The following ATG5 variants were observed in gnomAD, a reference collection of about 807,000 sequenced individuals.
ATG5 encodes the protein autophagy protein 5.
Under a neutral mutation model 36.5 loss-of-function variants are expected in ATG5, and 14 were observed. That is an observed-to-expected ratio of 0.38 (90% confidence interval 0.25 to 0.60). ATG5 has a LOEUF of 0.60. ATG5 is among the 20% of genes least tolerant of loss of function. ATG5 has a pLI of 0.60. For synonymous variants in ATG5, 95 were observed against 101.5 expected (o/e 0.94, Z 0.38); for missense variants, 195 against 326.7 (o/e 0.60, Z 3.11).
intron 7 of ATG5, among the ~76,000 whole-genome samples, chr6:106,194,964 A>G (rs1387440576): frequency 6.6e-6 from 1 of 152,200 alleles, no homozygotes; most frequent in Non-Finnish European, 1.5e-5. Flanking sequence ...TAGATCTCTG[A>G]GTCATTTTAA....
chr6:106,240,854 T>C (rs1472050120), intron 6 of ATG5, among the ~76,000 whole-genome samples: 2 of 152,054 alleles, frequency 1.3e-5, no homozygotes, highest in Non-Finnish European at 2.9e-5. Flanking sequence ...ATGCAGCCAT[T>C]AAAAAAGAAT....
chr6:106,194,216 G>T (rs1311067118), intron 7 of ATG5, among the ~76,000 whole-genome samples: 6 of 152,130 alleles, frequency 3.9e-5, no homozygotes, highest in Non-Finnish European at 8.8e-5. Flanking sequence ...TGAGGTTTGG[G>T]AATTGGAGTT....
At chr6:106,228,917 A>G (rs549884741) in intron 6 of ATG5, among the ~76,000 whole-genome samples, 1 of 152,334 alleles carries the variant, frequency 6.6e-6, no homozygotes, top group Admixed American at 6.5e-5. Flanking sequence ...TTCCTGGGGA[A>G]GCCAAGGGCT....
Position 106,207,848 on chromosome 6 carries a change from C to A in ATG5, c.574-5759G>T, listed in dbSNP as rs150331377. 5.5e-4 allele frequency among the ~76,000 whole-genome samples: 83 copies of A among 152,230 alleles called. No individual in the cohort carries two copies. The East Asian group carries it at 0.011, about 21-fold the overall frequency. On this transcript the variant is annotated intron_variant, in intron 6 of 7. Coordinates refer to ENST00000369076, the MANE Select transcript of ATG5 (RefSeq NM_004849.4). ...GTGGCTCATGCCTGTAATTCCAGCA[C>A]TTTGGGAGGCCGAGGAGGGAGGATC...
intron 6 of ATG5, among the ~76,000 whole-genome samples, chr6:106,231,105 G>T (rs191930995): frequency 6.6e-6 from 1 of 151,930 alleles, no homozygotes; most frequent in African/African-American, 2.4e-5. Flanking sequence ...AATATTCCCC[G>T]ATTATGCCCC....
intron 1 of ATG5, among the ~76,000 whole-genome samples, chr6:106,323,014 G>A (rs1771150845): frequency 1.3e-5 from 2 of 152,032 alleles, no homozygotes; most frequent in Admixed American, 1.3e-4. Context: ...CTGCCTCCCG[G>A]GTTCATGCCA....
intron 6 of ATG5, among the ~76,000 whole-genome samples, chr6:106,203,033 T>C (rs1332148617): frequency 1.3e-5 from 2 of 152,110 alleles, no homozygotes; most frequent in East Asian, 1.9e-4. Flanking sequence ...AGAGAATGTG[T>C]GTGTGTGTGA....
intron 7 of ATG5, among the ~76,000 whole-genome samples, chr6:106,187,778 C>T (rs1461267895): frequency 6.6e-6 from 1 of 152,102 alleles, no homozygotes; most frequent in Non-Finnish European, 1.5e-5. Context: ...TTGGCTGGCA[C>T]CTGAAACAAG....
chr6:106,318,665 G>A (rs1389732502), intron 1 of ATG5, among the ~76,000 whole-genome samples: 2 of 152,120 alleles, frequency 1.3e-5, no homozygotes, highest in African/African-American at 2.4e-5. Context: ...GGCAGCTAAA[G>A]GTATAATGTA....
chr6:106,249,836 T>A (rs1437687712), intron 5 of ATG5, among the ~76,000 whole-genome samples: 1 of 152,260 alleles, frequency 6.6e-6, no homozygotes, highest in Non-Finnish European at 1.5e-5. Context: ...ATTGTGGTTT[T>A]GATTTGCATT....
chr6:106,217,636 C>T (rs1272892709), intron 6 of ATG5: 1 of 152,164 alleles, frequency 6.6e-6, no homozygotes, highest in Non-Finnish European at 1.5e-5. Flanking sequence ...AGTAAGGGAA[C>T]TCTTCCTTTT....
chr6:106,199,764 A>C (rs1776347353), intron 7 of ATG5, among the ~76,000 whole-genome samples: 1 of 152,240 alleles, frequency 6.6e-6, no homozygotes. Flanking sequence ...ACTTAATGTT[A>C]ATTGCTCCAA....
chr6:106,208,251 C>T (rs1582550897), intron 6 of ATG5, among the ~76,000 whole-genome samples: 1 of 151,678 alleles, frequency 6.6e-6, no homozygotes, highest in African/African-American at 2.4e-5. Flanking sequence ...TGTATATATA[C>T]ATCTGTGTAA....
chr6:106,322,864 T>G (rs191205361), intron 1 of ATG5, among the ~76,000 whole-genome samples: 258 of 152,342 alleles, frequency 1.7e-3, no homozygotes, highest in African/African-American at 5.8e-3. Context: ...TTTAGAAATT[T>G]AACATATGCA....
chr6:106,307,920 C>T (rs57456032), intron 3 of ATG5, among the ~76,000 whole-genome samples: 3,744 of 152,182 alleles, frequency 0.025, 64 homozygotes, highest in African/African-American at 0.049. Context: ...CTAAACCAAG[C>T]CTAGTTAAGA....
At chr6:106,300,685 C>T (rs780669057) in intron 3 of ATG5, among the ~76,000 whole-genome samples, 1 of 152,052 alleles carries the variant, frequency 6.6e-6, no homozygotes, top group Non-Finnish European at 1.5e-5. Context: ...ACTGAATACT[C>T]TAGACAACTG....
At chr6:106,280,965 T>C (rs1417168667) in intron 4 of ATG5, among the ~76,000 whole-genome samples, 1 of 152,134 alleles carries the variant, frequency 6.6e-6, no homozygotes, top group Non-Finnish European at 1.5e-5. Flanking sequence ...ATATGTCCTT[T>C]AATAAATTTA....
At chr6:106,224,894 A>C (rs1240977788) in intron 6 of ATG5, among the ~76,000 whole-genome samples, 1 of 152,152 alleles carries the variant, frequency 6.6e-6, no homozygotes, top group African/African-American at 2.4e-5. Flanking sequence ...AAAAACAAAC[A>C]AACAAAACAA....
intron 6 of ATG5, among the ~76,000 whole-genome samples, chr6:106,224,812 C>T (rs1456452311): frequency 2.0e-5 from 3 of 152,168 alleles, no homozygotes; most frequent in African/African-American, 4.8e-5. Context: ...ACCCGGGAGG[C>T]GGAGGTTGCA....
Sources: allele counts gnomAD v4.1 joint callset (sites outside exome capture counted in the v4.1 genomes callset), GRCh38; gene constraint gnomAD v4.1.1; transcripts MANE v1.5; gene names NCBI Gene and HGNC (gene_info 2026-07-23, HGNC 2026-07-21).